The following L3HYPDH variants were observed in gnomAD, a reference collection of about 807,000 sequenced individuals.
L3HYPDH encodes the protein trans-3-hydroxy-L-proline dehydratase.
A neutral mutation model predicts 26.5 loss-of-function variants in L3HYPDH; 32 were observed. The ratio of observed to expected loss-of-function variants is 1.21; its 90% confidence interval spans 0.91 to 1.62. L3HYPDH has a LOEUF of 1.62. Ranked by LOEUF, L3HYPDH falls within the 40% of genes most tolerant of loss-of-function variation. The pLI, the probability that L3HYPDH is intolerant of heterozygous loss-of-function variation, is 0.00. For synonymous variants in L3HYPDH, 215 were observed against 196.6 expected, an observed-to-expected ratio of 1.09 and a Z score of -0.78; for missense variants, 554 against 476.4, an observed-to-expected ratio of 1.16 and a Z score of -1.52.
rs755557799 is a variant in L3HYPDH at position 59,472,981 on chromosome 14, C to A, written c.1049G>T (p.Gly350Val). Reference protein sequence around the residue: ...IIEDDDPLRDGFLLK With the variant: ...IIEDDDPLRDVFLLK ...TGGAAGAAGTCACTTGAGAAGAAAT[C>A]CATCCCTCAATGGGTCGTCATCTTC... Residue 350 changes from glycine (G) to valine (V), a missense_variant, in exon 5 of 5, where the codon GGA (glycine) becomes GTA (valine). Gly to Val is a moderately radical substitution (Grantham distance 109). Coordinates refer to ENST00000247194, the MANE Select transcript of L3HYPDH (RefSeq NM_144581.2). The A allele has an allele frequency of 6.3e-7, 1 of 1,599,180 alleles. No homozygotes were observed.
At chr14:59,473,466 T>C (rs749330044) in intron 4 of L3HYPDH, among the ~76,000 whole-genome samples, 5 of 152,138 alleles carry the variant, frequency 3.3e-5, no homozygotes, top group African/African-American at 4.8e-5. Context: ...CATGTGGGAA[T>C]TGAGGACTAG....
At chr14:59,497,579 G>T in the L3HYPDH span, among the ~76,000 whole-genome samples, 1 of 152,082 alleles carries the variant, frequency 6.6e-6, no homozygotes, top group Non-Finnish European at 1.5e-5. Context: ...AACAAGACTA[G>T]GAAACTAATT....
chr14:59,467,555 T>C (rs1219709693), intron 1 of L3HYPDH, among the ~76,000 whole-genome samples: 2 of 152,180 alleles, frequency 1.3e-5, no homozygotes, highest in East Asian at 1.9e-4. Flanking sequence ...CTTTACATGC[T>C]GGAGTTCATC....
At position 59,484,263 on chromosome 14, in the gene L3HYPDH, C is replaced by T. The variant is rs149161699; in HGVS notation, c.54G>A (p.Pro18=). The T allele has an allele frequency of 3.0e-5, 48 of 1,597,418 alleles. No individual in the cohort carries two copies. The highest frequency in any genetic ancestry group is 4.1e-5 in the Non-Finnish European group (48 of 1,179,438). Residue 18 remains proline (P), a synonymous_variant, in exon 1 of 5, where the codon CCG becomes CCA. Transcript: ENST00000247194. ...TGTGCATGTCCACCACCGACAGCAC[C>T]GGCGTCCCTGGATCATGCGGGGGCA... The part of the protein sequence containing the change: ...PRLPPHDPGT[P]VLSVVDMHTG...
chr14:59,479,307 T>C lies in L3HYPDH; in HGVS notation c.553A>G (p.Ile185Val), dbSNP rs1172242258. The C allele has an allele frequency of 1.4e-5, 23 of 1,613,442 alleles. No individual in the cohort carries two copies. Among genetic ancestry groups the C allele is most frequent in the Non-Finnish European group, 1.9e-5 (22 of 1,179,894 alleles). The change falls in exon 2 of 5, where the codon ATT becomes GTT. Residue 185 changes from isoleucine to valine, a missense_variant. Physicochemically the swap from Ile to Val is conservative, Grantham distance 29 (BLOSUM62 3). Transcript: ENST00000247194. The stretch of plus-strand genomic sequence containing the variant: ...GCATAAAATGCACCGCCATATGCAA[T>C]GTCCACCATCACCTTTCCATGTCCA... The part of the protein sequence containing the change: ...VPGHGKVMVD[I>V]AYGGAFYAFV...
the L3HYPDH span, chr14:59,505,048 A>G: frequency 2.5e-6 from 1 of 397,340 alleles, no homozygotes; most frequent in Non-Finnish European, 4.5e-6. Flanking sequence ...CTCTTAACCT[A>G]ACAACCTGAC....
chr14:59,501,176 AT>A, the L3HYPDH span: 1 of 1,504,106 alleles, frequency 6.6e-7, no homozygotes. Flanking sequence ...CATAATACCA[AT>A]GCTTATCTTT....
intron 1 of L3HYPDH, among the ~76,000 whole-genome samples, chr14:59,481,593 A>G (rs1566564939): frequency 6.6e-6 from 1 of 152,216 alleles, no homozygotes; most frequent in Non-Finnish European, 1.5e-5. Context: ...TTTGCTCAAG[A>G]TTTAGTGAGC....
intron 1 of L3HYPDH, among the ~76,000 whole-genome samples, chr14:59,467,067 A>G (rs1889207119): frequency 6.6e-6 from 1 of 152,196 alleles, no homozygotes; most frequent in African/African-American, 2.4e-5. Context: ...AACAACATAT[A>G]AGATAGGAAA....
At chr14:59,503,282 A>T in the L3HYPDH span, among the ~76,000 whole-genome samples, 1 of 152,170 alleles carries the variant, frequency 6.6e-6, no homozygotes, top group African/African-American at 2.4e-5. Context: ...TTACGTTTTA[A>T]TGTGTTTATT....
intron 4 of L3HYPDH, chr14:59,475,300 C>A (rs1490018060): frequency 6.6e-6 from 1 of 151,904 alleles, no homozygotes; most frequent in African/African-American, 2.4e-5. Context: ...AAGAGTTTTT[C>A]TTTATATAAG....
the L3HYPDH span, among the ~76,000 whole-genome samples, chr14:59,492,556 G>A: frequency 6.6e-6 from 1 of 152,142 alleles, no homozygotes; most frequent in Non-Finnish European, 1.5e-5. Context: ...GGCATTTATA[G>A]TTCATTTATG....
upstream of L3HYPDH, chr14:59,487,723 G>A: frequency 6.2e-7 from 1 of 1,613,316 alleles, no homozygotes; most frequent in South Asian, 1.1e-5. Flanking sequence ...TGTCAGCCTT[G>A]CACAGAATCT....
upstream of L3HYPDH, chr14:59,487,516 C>T (rs1251185584): frequency 1.8e-6 from 1 of 562,006 alleles, no homozygotes; most frequent in Non-Finnish European, 3.1e-6. Context: ...ATATAGATTT[C>T]TTTTTATTTT....
chr14:59,471,420 C>A (rs1389156060), downstream of L3HYPDH, among the ~76,000 whole-genome samples: 1 of 152,166 alleles, frequency 6.6e-6, no homozygotes, highest in Non-Finnish European at 1.5e-5. Flanking sequence ...GTTCGACTTG[C>A]ATCTCCCTTA....
At chr14:59,492,355 A>T in the L3HYPDH span, among the ~76,000 whole-genome samples, 1 of 152,106 alleles carries the variant, frequency 6.6e-6, no homozygotes, top group Non-Finnish European at 1.5e-5. Context: ...AAAGAAGGAG[A>T]TGGAAAATCA....
chr14:59,490,144 T>C, the L3HYPDH span, among the ~76,000 whole-genome samples: 1 of 152,034 alleles, frequency 6.6e-6, no homozygotes, highest in African/African-American at 2.4e-5. Flanking sequence ...CTGGTCTCGA[T>C]CTCCTGGGCG....
chr14:59,503,446 T>G, the L3HYPDH span, among the ~76,000 whole-genome samples: 1 of 152,184 alleles, frequency 6.6e-6, no homozygotes, highest in Non-Finnish European at 1.5e-5. Context: ...TTAAGGAGGT[T>G]GGGTTTCTGT....
At chr14:59,473,286 C>T (rs1486193736) in intron 4 of L3HYPDH, among the ~76,000 whole-genome samples, 196 bp from the exon 5 acceptor site, 1 of 152,074 alleles carries the variant, frequency 6.6e-6, no homozygotes, top group African/African-American at 2.4e-5. Context: ...GGGGATCAAA[C>T]TGGAGAAGAG....
Sources: gnomAD v4.1 joint callset for allele counts (sites outside exome capture counted in the v4.1 genomes callset) on GRCh38, gnomAD v4.1.1 for gene constraint, MANE v1.5 for transcripts, NCBI Gene and HGNC (gene_info 2026-07-23, HGNC 2026-07-21) for gene names.